ESYT3: variants seen among roughly 807,000 people sequenced by gnomAD.
The protein encoded by ESYT3 is extended synaptotagmin-3.
A neutral mutation model predicts 111.5 loss-of-function variants in ESYT3; 101 were observed. The observed-to-expected ratio is 0.91, with a 90% CI of 0.77 to 1.07. The LOEUF (loss-of-function observed/expected upper bound fraction) is 1.07, where lower values mean the gene tolerates loss of function less well. Among genes scored for constraint, ESYT3 ranks in the 50% least tolerant of loss-of-function variants. The pLI is 0.00. For missense variants in ESYT3, 1,097 were observed against 1,109.4 expected, an observed-to-expected ratio of 0.99 and a Z score of 0.16; for synonymous variants, 416 against 446.8, an observed-to-expected ratio of 0.93 and a Z score of 0.87.
In ESYT3 at chr3:138,440,902, A is replaced by G. The variant is rs1028033906; in HGVS notation, c.327+5777A>G. 6.6e-6 allele frequency among the ~76,000 whole-genome samples: 1 copy of G among 152,246 alleles called. No homozygotes were observed. The highest frequency in any genetic ancestry group is 2.4e-5 in the African/African-American group (1 of 41,460). On this transcript the variant is annotated intron_variant, in intron 1 of 22. Transcript: ENST00000389567. The surrounding 1 kb of genome is among the most constrained non-coding windows in gnomAD (Gnocchi z 4.2). Reference sequence around the variant, plus strand: ...GGCACAGAGCTGCAGGCGGGGCAGCATGAGTACACATGGCCCCTGCCCTTG... The same window carrying G: ...GGCACAGAGCTGCAGGCGGGGCAGCGTGAGTACACATGGCCCCTGCCCTTG...
chr3:138,464,395 CA>C lies in ESYT3; in HGVS notation c.968del (p.Asn323ThrfsTer15). On this transcript the variant is annotated frameshift_variant, in exon 9 of 23. Transcript: ENST00000389567. LOFTEE classifies it high-confidence loss of function. ...LEAEQLAQKD[N>X]FLGLRGKSDP... ...AGGCAGAGCAGCTGGCCCAGAAGGA[CA>C]ACTTTCTGGGGCTCCGAGGCAAGTC... 1 of 1,614,152 alleles carries C rather than the reference CA, an allele frequency of 6.2e-7. No homozygotes were observed. The highest frequency in any genetic ancestry group is 8.5e-7 in the Non-Finnish European group (1 of 1,180,004).
intron 14 of ESYT3, chr3:138,469,204 G>T: frequency 1.7e-6 from 1 of 595,798 alleles, no homozygotes. Flanking sequence ...GCCAGGCCCA[G>T]CTCTGGCTTC....
At position 138,449,008 on chromosome 3, in the gene ESYT3, G is replaced by A. The variant is rs187039710; in HGVS notation, c.328-3040G>A. ...TGAGGAGCCTCAAATACAGGTGTGG[G>A]CAATCGAGAGAAACCATGACAGCTT... On this transcript the variant is annotated intron_variant, in intron 1 of 22. Transcript: ENST00000389567. 4.6e-5 allele frequency among the ~76,000 whole-genome samples: 7 copies of A among 152,158 alleles called. No individual in the cohort carries two copies. In the East Asian group the frequency reaches 7.7e-4, roughly 17 times the overall value.
chr3:138,453,979 C>T (rs988773584), intron 2 of ESYT3, among the ~76,000 whole-genome samples: 5 of 152,214 alleles, frequency 3.3e-5, no homozygotes, highest in African/African-American at 1.2e-4. Context: ...TGCTACCATG[C>T]CTGGCTAGGG....
In ESYT3 at chr3:138,472,352, T is replaced by C. The variant is rs1375783293; in HGVS notation, c.1741-11T>C. Reference sequence around the variant, plus strand: ...ACTCAGCTCATAAGCCACCCTCTTATCTGCTTGCAGTTCCTGCAAGTGGAG... The same window carrying C: ...ACTCAGCTCATAAGCCACCCTCTTACCTGCTTGCAGTTCCTGCAAGTGGAG... On this transcript the variant is annotated splice_polypyrimidine_tract_variant and intron_variant, in intron 17 of 22. Transcript: ENST00000389567. 2 of 1,611,796 alleles carry C rather than the reference T, an allele frequency of 1.2e-6. No individual in the cohort carries two copies. Among genetic ancestry groups the C allele is most frequent in the Non-Finnish European group, 1.7e-6 (2 of 1,179,032 alleles).
At chr3:138,451,007 T>C (rs1016906045) in intron 1 of ESYT3, among the ~76,000 whole-genome samples, 1 of 152,242 alleles carries the variant, frequency 6.6e-6, no homozygotes, top group Non-Finnish European at 1.5e-5. Flanking sequence ...TTTGTGCAGG[T>C]ACCCTGTACA....
intron 4 of ESYT3, among the ~76,000 whole-genome samples, chr3:138,458,744 G>A (rs2032443251): frequency 6.6e-6 from 1 of 152,218 alleles, no homozygotes; most frequent in South Asian, 2.1e-4. Context: ...AGCAGCACCT[G>A]GGATGTAAGC....
intron 2 of ESYT3, among the ~76,000 whole-genome samples, chr3:138,454,217 A>G (rs1036861930): frequency 1.3e-5 from 2 of 152,082 alleles, no homozygotes; most frequent in Non-Finnish European, 2.9e-5. Context: ...ACTGCACTCC[A>G]GCCTGGGCGA....
intron 20 of ESYT3, among the ~76,000 whole-genome samples, chr3:138,475,894 C>G (rs2033458111): frequency 6.6e-6 from 1 of 152,178 alleles, no homozygotes; most frequent in Non-Finnish European, 1.5e-5. Context: ...CCATTGCACT[C>G]CAGCCTGGGC....
At chr3:138,467,657 T>G (rs1485489757) in intron 11 of ESYT3, 48 bp downstream of exon 11, 1 of 1,575,588 alleles carries the variant, frequency 6.3e-7, no homozygotes, top group African/African-American at 1.4e-5. Flanking sequence ...GGTAGCCCTT[T>G]CCTGTGGACA....
At chr3:138,462,276 T>A in intron 8 of ESYT3, 70 bp downstream of exon 8, 2 of 1,601,528 alleles carry the variant, frequency 1.2e-6, no homozygotes, top group Non-Finnish European at 1.7e-6. Context: ...AGCCTTCACA[T>A]GTGGTGCATT....
chr3:138,464,480 A>G lies in ESYT3; in HGVS notation c.1051A>G (p.Arg351Gly). 1 of 1,614,150 alleles carries G rather than the reference A, an allele frequency of 6.2e-7. No individual in the cohort carries two copies. The highest frequency in any genetic ancestry group is 8.5e-7 in the Non-Finnish European group (1 of 1,180,026). Reference sequence around the variant, plus strand: ...GCATTTCCGGAGTAGGACCATCTACAGGAACCTGAACCCCACCTGGAACGA... The same window carrying G: ...GCATTTCCGGAGTAGGACCATCTACGGGAACCTGAACCCCACCTGGAACGA... ...LQHFRSRTIY[R>G]NLNPTWNEVF... The change falls in exon 9 of 23, where the codon AGG (arginine) becomes GGG (glycine). Residue 351 changes from arginine to glycine, a missense_variant. Coordinates refer to ENST00000389567, the MANE Select transcript of ESYT3 (RefSeq NM_031913.5).
chr3:138,468,675 T>C lies in ESYT3; in HGVS notation c.1329T>C (p.Thr443=). 1 of 1,614,170 alleles carries C rather than the reference T, an allele frequency of 6.2e-7. No homozygotes were observed. The highest frequency in any genetic ancestry group is 1.1e-5 in the South Asian group (1 of 91,074). ...TGCAGGACCATGGTGGCCTTTCCACTGCCATTCTCGTGGTCTTCTTGGAGA... is the reference window on the plus strand; with the variant it reads ...TGCAGGACCATGGTGGCCTTTCCACCGCCATTCTCGTGGTCTTCTTGGAGA... ...VLTEDHGGLS[T]AILVVFLESA... is the part of the protein sequence containing the mutation. The change falls in exon 13 of 23, where the codon ACT becomes ACC. Residue 443 remains threonine (T), a synonymous_variant. Coordinates refer to ENST00000389567, the MANE Select transcript of ESYT3 (RefSeq NM_031913.5).
intron 14 of ESYT3, among the ~76,000 whole-genome samples, 157 bp downstream of exon 14, chr3:138,469,038 C>T (rs2033084278): frequency 6.6e-6 from 1 of 152,186 alleles, no homozygotes; most frequent in African/African-American, 2.4e-5. Flanking sequence ...GTGCCAGGCA[C>T]TAGGCTTGGC....
intron 6 of ESYT3, 143 bp downstream of exon 6, chr3:138,460,177 T>A: frequency 1.4e-6 from 1 of 692,548 alleles, no homozygotes; most frequent in Non-Finnish European, 2.5e-6. Context: ...TTATCTCATT[T>A]AATCCTTAAG....
intron 1 of ESYT3, among the ~76,000 whole-genome samples, chr3:138,449,082 CTTTTTTTTTTTTT>C (rs398040196): frequency 8.8e-6 from 1 of 113,122 alleles, no homozygotes; most frequent in Non-Finnish European, 1.8e-5. Flanking sequence ...CTTTCTTTTT[CTTTTTTTTTTTTT>C]TTTTTTTGAG....
chr3:138,437,074 C>G (rs2030762343), intron 1 of ESYT3, among the ~76,000 whole-genome samples: 1 of 151,942 alleles, frequency 6.6e-6, no homozygotes, highest in South Asian at 2.1e-4. Flanking sequence ...AAGGCACCTC[C>G]TAGGTTTTCA....
intron 1 of ESYT3, among the ~76,000 whole-genome samples, chr3:138,437,073 CCT>C (rs2030762614): frequency 6.6e-6 from 1 of 152,000 alleles, no homozygotes; most frequent in Non-Finnish European, 1.5e-5. Context: ...GAAGGCACCT[CCT>C]AGGTTTTCAC....
rs1302353492 is a variant in ESYT3, at chr3:138,476,247, A to C, written c.2493A>C (p.Glu831Asp). 2 of 1,613,216 alleles carry C rather than the reference A, an allele frequency of 1.2e-6. No homozygotes were observed. Among genetic ancestry groups the C allele is most frequent in the Non-Finnish European group, 1.7e-6 (2 of 1,179,386 alleles). The change falls in exon 21 of 23, where the codon GAA becomes GAC. Residue 831 changes from glutamate (E) to aspartate (D), a missense_variant. Physicochemically the swap from Glu to Asp is conservative, Grantham distance 45. Transcript: ENST00000389567. ...GATTTGAATTTTTTGTTCCCATGGA[A>C]GAAGTAAAGAAGAGGTCACTAGATG... is the stretch of plus-strand genomic sequence containing the variant. ...DETFEFFVPM[E>D]EVKKRSLDVA... is the part of the protein sequence containing the mutation.
Sources: allele counts gnomAD v4.1 joint callset (sites outside exome capture counted in the v4.1 genomes callset), GRCh38; gene constraint gnomAD v4.1.1; non-coding constraint Gnocchi (gnomAD v3.1); transcripts MANE v1.5; gene names NCBI Gene and HGNC (gene_info 2026-07-23, HGNC 2026-07-21).